Variants in NOL4 observed in about 807,000 individuals in gnomAD.
The protein encoded by NOL4 is cancer/testis antigen 125.
A neutral mutation model predicts 75.9 loss-of-function variants in NOL4; 17 were observed. The observed-to-expected ratio is 0.22, with a 90% CI of 0.15 to 0.34. NOL4 has a LOEUF of 0.34. Among genes scored for constraint, NOL4 ranks in the 10% least tolerant of loss-of-function variants. The probability of loss-of-function intolerance (pLI) is 1.00; values close to 1 mark genes in which losing one functional copy is unlikely to be tolerated. For synonymous variants in NOL4, 292 were observed against 289.9 expected (o/e 1.01, Z -0.07); for missense variants, 614 against 793.5 (o/e 0.77, Z 2.72).
chr18:33,863,369 T>C (rs2063270814), intron 10 of NOL4, among the ~76,000 whole-genome samples: 1 of 152,116 alleles, frequency 6.6e-6, no homozygotes, highest in South Asian at 2.1e-4. Context: ...CATGTATACA[T>C]ATGTAACTAA....
chr18:33,896,588 T>C (rs1039321483), intron 9 of NOL4, among the ~76,000 whole-genome samples: 4 of 152,048 alleles, frequency 2.6e-5, no homozygotes, highest in Non-Finnish European at 4.4e-5. Flanking sequence ...ATGCAGAAGA[T>C]TGAAGCTGGA....
At chr18:33,988,918 C>T (rs1011914179) in intron 6 of NOL4, among the ~76,000 whole-genome samples, 1 of 151,968 alleles carries the variant, frequency 6.6e-6, no homozygotes, top group Non-Finnish European at 1.5e-5. Context: ...ATTGGCAAGA[C>T]TGGGCACAGT....
chr18:34,180,385 T>C (rs2033935205), intron 1 of NOL4, among the ~76,000 whole-genome samples: 1 of 151,422 alleles, frequency 6.6e-6, no homozygotes, highest in African/African-American at 2.4e-5. Context: ...TAAAAACACA[T>C]GATTATCTAA....
intron 2 of NOL4, among the ~76,000 whole-genome samples, chr18:34,123,134 T>TG (rs1323019211): frequency 1.3e-5 from 2 of 151,414 alleles, no homozygotes; most frequent in South Asian, 2.1e-4. Context: ...TTTTTTTTTT[T>TG]GTCTCCACTA....
chr18:34,137,316 T>C (rs1285540899), intron 1 of NOL4, among the ~76,000 whole-genome samples: 1 of 152,134 alleles, frequency 6.6e-6, no homozygotes, highest in Non-Finnish European at 1.5e-5. Flanking sequence ...AAAATGTTTA[T>C]GATGCAAATA....
intron 10 of NOL4, among the ~76,000 whole-genome samples, chr18:33,861,278 T>A (rs2063111430): frequency 6.6e-6 from 1 of 152,164 alleles, no homozygotes; most frequent in African/African-American, 2.4e-5. Context: ...CTCTTTTTGG[T>A]TGGTAAGCTA....
chr18:33,878,094 A>G (rs2064038693), intron 10 of NOL4, among the ~76,000 whole-genome samples: 1 of 152,060 alleles, frequency 6.6e-6, no homozygotes. Flanking sequence ...AAGTGACGTG[A>G]TCAGATTTGC....
At position 33,867,649 on chromosome 18, in the gene NOL4, A is replaced by AACAC. The variant is rs35491645; in HGVS notation, c.1724-14618_1724-14615dup. ...TAAGACTCTAATGTGTGTGTATGTA[A>AACAC]ACACACACACACACACACACACACA... On this transcript the variant is annotated intron_variant, in intron 10 of 10. Transcript: ENST00000261592. Among the ~76,000 whole-genome samples the AACAC allele has an allele frequency of 1.6e-3, 240 of 148,782 alleles. 5 individuals are homozygous for AACAC. In the East Asian group the frequency reaches 0.032, roughly 20 times the overall value.
At chr18:34,112,553 C>A (rs981759184) in intron 2 of NOL4, among the ~76,000 whole-genome samples, 4 of 151,942 alleles carry the variant, frequency 2.6e-5, no homozygotes, top group Non-Finnish European at 5.9e-5. Context: ...CTGTCATTTG[C>A]AACAACATGT....
intron 4 of NOL4, among the ~76,000 whole-genome samples, 168 bp from the exon 5 acceptor site, chr18:34,093,765 C>T (rs190373577): frequency 2.1e-3 from 323 of 152,216 alleles, no homozygotes; most frequent in African/African-American, 7.2e-3. Flanking sequence ...ATGGGCCGGG[C>T]GTGGTGGCTC....
intron 1 of NOL4, among the ~76,000 whole-genome samples, chr18:34,185,859 TAC>T (rs2034423750): frequency 6.6e-6 from 1 of 152,234 alleles, no homozygotes; most frequent in Non-Finnish European, 1.5e-5. Flanking sequence ...CCTTTTGCTC[TAC>T]CTCAAAAGAC....
At chr18:33,855,299 T>C (rs2144138791) in intron 10 of NOL4, among the ~76,000 whole-genome samples, 1 of 152,250 alleles carries the variant, frequency 6.6e-6, no homozygotes, top group African/African-American at 2.4e-5. Context: ...GTGAATCCCA[T>C]ACTTGACTGG....
intron 5 of NOL4, among the ~76,000 whole-genome samples, chr18:34,085,874 C>A (rs1030195859): frequency 6.6e-6 from 1 of 152,088 alleles, no homozygotes; most frequent in Non-Finnish European, 1.5e-5. Flanking sequence ...TAAATACTTA[C>A]ACATGAACAC....
At chr18:33,995,859 A>G (rs183817613) in intron 6 of NOL4, among the ~76,000 whole-genome samples, 12 of 152,054 alleles carry the variant, frequency 7.9e-5, no homozygotes, top group African/African-American at 1.2e-4. Flanking sequence ...CCTAATTTGG[A>G]GAATGATCCA....
chr18:33,891,046 A>G (rs1002049542), intron 9 of NOL4, among the ~76,000 whole-genome samples: 17 of 151,516 alleles, frequency 1.1e-4, no homozygotes, highest in Admixed American at 4.6e-4. Context: ...GGAGAAAGAA[A>G]TTTATATAAT....
chr18:33,929,716 T>C (rs2067563794), intron 9 of NOL4, among the ~76,000 whole-genome samples: 1 of 152,146 alleles, frequency 6.6e-6, no homozygotes, highest in Admixed American at 6.6e-5. Flanking sequence ...GTAAAATATC[T>C]GCCATATGAT....
intron 1 of NOL4, among the ~76,000 whole-genome samples, chr18:34,195,229 T>C (rs2035243906): frequency 6.6e-6 from 1 of 152,142 alleles, no homozygotes; most frequent in Non-Finnish European, 1.5e-5. Flanking sequence ...TTAAATCAAT[T>C]ACAAATAAAA....
At chr18:33,957,030 G>A (rs2069701029) in intron 8 of NOL4, among the ~76,000 whole-genome samples, 1 of 152,066 alleles carries the variant, frequency 6.6e-6, no homozygotes, top group African/African-American at 2.4e-5. Context: ...ATATGAACGA[G>A]ATGCTGGTTC....
intron 1 of NOL4, among the ~76,000 whole-genome samples, chr18:34,172,474 T>C (rs1178232961): frequency 6.6e-6 from 1 of 152,168 alleles, no homozygotes; most frequent in Non-Finnish European, 1.5e-5. Context: ...TTGTCAATAA[T>C]GTTGCAATGA....
Sources: allele counts gnomAD v4.1 joint callset (sites outside exome capture counted in the v4.1 genomes callset), GRCh38; gene constraint gnomAD v4.1.1; transcripts MANE v1.5; gene names NCBI Gene and HGNC (gene_info 2026-07-23, HGNC 2026-07-21).